CALN1: variants seen among roughly 807,000 people sequenced by gnomAD.
The protein encoded by CALN1 is calcium-binding protein 8.
A neutral mutation model predicts 30.6 loss-of-function variants in CALN1; 17 were observed. The ratio of observed to expected loss-of-function variants is 0.56; its 90% CI spans 0.38 to 0.83. CALN1 has a LOEUF of 0.83. CALN1 is among the 40% of genes least tolerant of loss of function. The probability of loss-of-function intolerance (pLI) is 0.00; values close to 1 mark genes in which losing one functional copy is unlikely to be tolerated. For synonymous variants in CALN1, 156 were observed against 131.4 expected, an observed-to-expected ratio of 1.19 and a Z score of -1.28; for missense variants, 291 against 354.9, an observed-to-expected ratio of 0.82 and a Z score of 1.45.
chr7:72,164,243 C>G (rs997223547), intron 3 of CALN1, among the ~76,000 whole-genome samples: 1 of 151,514 alleles, frequency 6.6e-6, no homozygotes, highest in Admixed American at 6.6e-5. Flanking sequence ...TGGCACATGC[C>G]TATAATCCTA....
chr7:72,216,082 T>C (rs749843686), intron 3 of CALN1, among the ~76,000 whole-genome samples: 2 of 152,100 alleles, frequency 1.3e-5, no homozygotes, highest in Non-Finnish European at 2.9e-5. Context: ...TCTCAACATC[T>C]GCCTCCAGAA....
At chr7:72,424,940 C>T (rs987753557) in intron 1 of CALN1, among the ~76,000 whole-genome samples, 23 of 151,998 alleles carry the variant, frequency 1.5e-4, no homozygotes, top group African/African-American at 4.8e-4. Flanking sequence ...CTCACTCAAG[C>T]GGGTGTAAGG....
intron 2 of CALN1, among the ~76,000 whole-genome samples, chr7:72,380,460 G>A (rs1019037926): frequency 5.9e-5 from 9 of 152,046 alleles, no homozygotes; most frequent in African/African-American, 2.2e-4. Context: ...CCGTCTCTAC[G>A]AAAAATATAA....
intron 2 of CALN1, among the ~76,000 whole-genome samples, chr7:72,283,808 T>C (rs1393525713): frequency 1.3e-5 from 2 of 152,158 alleles, no homozygotes; most frequent in Non-Finnish European, 2.9e-5. Context: ...GTTCCAGTGC[T>C]GAATGGTGTC....
At chr7:72,201,137 C>T (rs1285775714) in intron 3 of CALN1, among the ~76,000 whole-genome samples, 4 of 152,264 alleles carry the variant, frequency 2.6e-5, no homozygotes, top group East Asian at 3.9e-4. Flanking sequence ...AACATGAGTG[C>T]AGCTGGAGGC....
rs987820749 is a variant in CALN1 at position 72,324,090 on chromosome 7, G to A, written c.120-45280C>T. Among the ~76,000 whole-genome samples the A allele has an allele frequency of 3.3e-5, 5 of 152,122 alleles. No individual in the cohort carries two copies. The South Asian group carries it at 6.3e-4, about 19-fold the overall frequency. On this transcript the variant is annotated intron_variant, in intron 2 of 6. Transcript: ENST00000395275. ...AGATCCCCTGGTTGGCACATCCCTTGGAGAAATGGTGTCCGAGTGCCCTGG... is the reference window on the plus strand; with the variant it reads ...AGATCCCCTGGTTGGCACATCCCTTAGAGAAATGGTGTCCGAGTGCCCTGG...
chr7:72,147,160 C>G (rs1031311635), intron 3 of CALN1, among the ~76,000 whole-genome samples: 1 of 152,148 alleles, frequency 6.6e-6, no homozygotes, highest in African/African-American at 2.4e-5. Context: ...GCAAAAGAAA[C>G]TACCATCAGA....
intron 5 of CALN1, among the ~76,000 whole-genome samples, chr7:71,874,967 C>T (rs565141566): frequency 7.2e-5 from 11 of 152,100 alleles, no homozygotes; most frequent in East Asian, 1.9e-4. Flanking sequence ...GAGTTCAAGA[C>T]GAGCCTGGCC....
chr7:72,491,769 C>T, the CALN1 span, among the ~76,000 whole-genome samples: 2 of 152,146 alleles, frequency 1.3e-5, no homozygotes, highest in Admixed American at 1.3e-4. Flanking sequence ...GAGAGGAAGA[C>T]CACTGCTCAC....
intron 2 of CALN1, among the ~76,000 whole-genome samples, chr7:72,349,361 G>A (rs1031452289): frequency 6.6e-6 from 1 of 151,548 alleles, no homozygotes; most frequent in Non-Finnish European, 1.5e-5. Context: ...TGAATAAATA[G>A]TGGCTAATAT....
intron 5 of CALN1, among the ~76,000 whole-genome samples, chr7:71,946,773 G>A: frequency 6.6e-6 from 1 of 152,088 alleles, no homozygotes; most frequent in East Asian, 1.9e-4. Flanking sequence ...GGCATTGGAT[G>A]GTACCTGACA....
chr7:72,172,944 A>G (rs538989402), intron 3 of CALN1, among the ~76,000 whole-genome samples: 1 of 152,282 alleles, frequency 6.6e-6, no homozygotes, highest in East Asian at 1.9e-4. Context: ...ATTGTATCCT[A>G]GGTCTTAGCC....
At chr7:72,085,534 G>A (rs1182657495) in intron 4 of CALN1, among the ~76,000 whole-genome samples, 1 of 152,128 alleles carries the variant, frequency 6.6e-6, no homozygotes, top group Non-Finnish European at 1.5e-5. Flanking sequence ...TTGGTATTAT[G>A]CACAGTTTAA....
rs3735357 is a variant in CALN1, at chr7:71,784,745, C to T, written c.*3030G>A. On this transcript the variant is annotated 3_prime_UTR_variant, in exon 7 of 7. Coordinates refer to ENST00000395275, the MANE Select transcript of CALN1 (RefSeq NM_031468.4). ...AGCCAAGGTCACTGGTTCCTAAGTC[C>T]GGAGGACAGAATGAGGGGTGAGCTA... is the stretch of plus-strand genomic sequence containing the variant. 8.5e-4 allele frequency: 338 copies of T among 398,510 alleles called. 4 individuals carry two copies. In the East Asian group the frequency reaches 0.011, roughly 13 times the overall value. 24.7% of individuals were successfully genotyped at this position (398,510 alleles called of 1,614,324 possible).
At position 72,053,061 on chromosome 7, in the gene CALN1, C is replaced by G. The variant is rs548275893; in HGVS notation, c.389-29292G>C. Among the ~76,000 whole-genome samples the G allele has an allele frequency of 1.8e-3, 268 of 152,318 alleles. 2 individuals carry two copies. Among genetic ancestry groups the G allele is most frequent in the African/African-American group, 6.0e-3 (249 of 41,574 alleles). ...CCTGGCCAATATGGTGAAACCCAGT[C>G]TCTACTAAAAATACAAAAATTGGCC... is the stretch of plus-strand genomic sequence containing the variant. On this transcript the variant is annotated intron_variant, in intron 4 of 6. Coordinates refer to ENST00000395275, the MANE Select transcript of CALN1 (RefSeq NM_031468.4).
intron 2 of CALN1, among the ~76,000 whole-genome samples, chr7:72,361,248 G>A (rs1015854761): frequency 1.3e-5 from 2 of 152,104 alleles, no homozygotes; most frequent in African/African-American, 2.4e-5. Context: ...CAGATCCAAA[G>A]GCCAAGCCTC....
At chr7:72,465,256 T>C in the CALN1 span, among the ~76,000 whole-genome samples, 1 of 152,210 alleles carries the variant, frequency 6.6e-6, no homozygotes, top group Admixed American at 6.5e-5. Flanking sequence ...TGCCCAAGGT[T>C]AGCTCCCTGT....
At chr7:71,819,906 C>A (rs36124099) in intron 5 of CALN1, among the ~76,000 whole-genome samples, 24,652 of 152,016 alleles carry the variant, frequency 0.16, 2,920 homozygotes, top group East Asian at 0.6. Flanking sequence ...CGGAATGGAC[C>A]CCACTTCTCA....
At chr7:72,270,354 G>C (rs1796896795) in intron 3 of CALN1, among the ~76,000 whole-genome samples, 1 of 151,960 alleles carries the variant, frequency 6.6e-6, no homozygotes, top group African/African-American at 2.4e-5. Flanking sequence ...AATAAATGAA[G>C]GATATACAGA....
Sources: gnomAD v4.1 joint callset for allele counts (sites outside exome capture counted in the v4.1 genomes callset) on GRCh38, gnomAD v4.1.1 for gene constraint, MANE v1.5 for transcripts, NCBI Gene and HGNC (gene_info 2026-07-23, HGNC 2026-07-21) for gene names.